DRC9: variants seen among roughly 807,000 people sequenced by gnomAD.
The protein encoded by DRC9 is dynein regulatory complex protein 9.
chr3:197,932,297 A>G, the DRC9 span: 1 of 1,609,548 alleles, frequency 6.2e-7, no homozygotes, highest in Non-Finnish European at 8.5e-7. Flanking sequence ...ATCGCTGAAA[A>G]ACTGCCTGTA....
chr3:197,894,749 TA>T, the DRC9 span: 1 of 152,206 alleles, frequency 6.6e-6, no homozygotes, highest in Admixed American at 6.5e-5. Flanking sequence ...TAGAATTTTT[TA>T]AAAACATGGC....
At chr3:197,894,039 A>C in the DRC9 span, among the ~76,000 whole-genome samples, 1 of 152,232 alleles carries the variant, frequency 6.6e-6, no homozygotes, top group Non-Finnish European at 1.5e-5. Flanking sequence ...CCAGTAAAAC[A>C]TGTATTTAAG....
At chr3:197,952,174 T>TG in the DRC9 span, among the ~76,000 whole-genome samples, 10 of 136,756 alleles carry the variant, frequency 7.3e-5, no homozygotes, top group African/African-American at 2.4e-4. Context: ...TTTTTTTTTT[T>TG]TTTTTTTTTT....
chr3:197,916,946 G>A, the DRC9 span, among the ~76,000 whole-genome samples: 7 of 152,012 alleles, frequency 4.6e-5, no homozygotes, highest in Non-Finnish European at 1.0e-4. Context: ...ACGAATTTGT[G>A]TTGGGCCCCA....
chr3:197,951,325 A>C, the DRC9 span: 1 of 1,613,762 alleles, frequency 6.2e-7, no homozygotes, highest in Non-Finnish European at 8.5e-7. Context: ...AGTTTATGAC[A>C]CTGGTAGGTT....
At chr3:197,949,878 A>C in the DRC9 span, 102 of 393,876 alleles carry the variant, frequency 2.6e-4, no homozygotes, top group East Asian at 3.6e-3. Flanking sequence ...TCCTCCACTC[A>C]GGGTTCGCCT....
the DRC9 span, chr3:197,959,166 C>T: frequency 6.6e-6 from 1 of 152,192 alleles, no homozygotes; most frequent in African/African-American, 2.4e-5. Context: ...GAGATTGTGT[C>T]ACTGCACTCC....
At chr3:197,960,006 C>T in the DRC9 span, 1 of 568,900 alleles carries the variant, frequency 1.8e-6, no homozygotes, top group East Asian at 2.9e-5. Flanking sequence ...TTTCTTCCTC[C>T]CACAGCCCCA....
the DRC9 span, among the ~76,000 whole-genome samples, chr3:197,891,076 C>A: frequency 6.6e-6 from 1 of 152,186 alleles, no homozygotes; most frequent in Admixed American, 6.5e-5. Context: ...CAGAACCCAG[C>A]AGATAGTCTG....
the DRC9 span, among the ~76,000 whole-genome samples, chr3:197,924,093 C>T: frequency 6.6e-6 from 1 of 151,750 alleles, no homozygotes; most frequent in Non-Finnish European, 1.5e-5. Flanking sequence ...CGGTGGCTCA[C>T]ACCTGTAATC....
the DRC9 span, among the ~76,000 whole-genome samples, chr3:197,905,211 A>G: frequency 2.0e-5 from 3 of 152,196 alleles, no homozygotes; most frequent in Admixed American, 6.5e-5. Context: ...TTGTAAATTT[A>G]AAAAGAACCA....
the DRC9 span, among the ~76,000 whole-genome samples, chr3:197,909,213 T>G: frequency 4.1e-4 from 63 of 152,156 alleles, no homozygotes; most frequent in Non-Finnish European, 5.7e-4. Context: ...AACAGTGGTG[T>G]TGTATTAACA....
At chr3:197,956,862 T>G in the DRC9 span, 1 of 152,276 alleles carries the variant, frequency 6.6e-6, no homozygotes, top group South Asian at 2.1e-4. Flanking sequence ...TTCTAACTGA[T>G]GCAGTAACAG....
chr3:197,900,308 T>C, the DRC9 span, among the ~76,000 whole-genome samples: 4 of 152,212 alleles, frequency 2.6e-5, no homozygotes, highest in African/African-American at 7.2e-5. This position sits in a 1 kb window ranked among gnomAD's most constrained non-coding sequence, Gnocchi z 4.7. Context: ...GGAGTGCTTG[T>C]GTCACCCATC....
the DRC9 span, chr3:197,950,989 T>G: frequency 6.2e-7 from 1 of 1,613,356 alleles, no homozygotes; most frequent in Non-Finnish European, 8.5e-7. Context: ...GTACGCGTTT[T>G]AAATATAGTT....
chr3:197,931,122 C>T, the DRC9 span, among the ~76,000 whole-genome samples: 1 of 151,788 alleles, frequency 6.6e-6, no homozygotes, highest in African/African-American at 2.4e-5. Flanking sequence ...AAAAACAATG[C>T]AGATGGTAAA....
At chr3:197,950,238 C>T in the DRC9 span, 2 of 1,230,802 alleles carry the variant, frequency 1.6e-6, no homozygotes, top group Non-Finnish European at 2.0e-6. Context: ...GAAGGGTCTG[C>T]TGCTGAAATT....
At chr3:197,898,866 GT>G in the DRC9 span, among the ~76,000 whole-genome samples, 7 of 152,130 alleles carry the variant, frequency 4.6e-5, no homozygotes, top group Non-Finnish European at 7.3e-5. Context: ...ATCAGATGGT[GT>G]TTTTGTAAAG....
chr3:197,934,929 C>T, the DRC9 span, among the ~76,000 whole-genome samples: 5 of 151,750 alleles, frequency 3.3e-5, no homozygotes, highest in South Asian at 4.2e-4. Context: ...CATGTTTGTG[C>T]CACTGCACTC....
Sources: allele counts gnomAD v4.1 joint callset (sites outside exome capture counted in the v4.1 genomes callset), GRCh38; gene constraint gnomAD v4.1.1; non-coding constraint Gnocchi (gnomAD v3.1); transcripts MANE v1.5; gene names NCBI Gene and HGNC (gene_info 2026-07-23, HGNC 2026-07-21).